The following GALC variants were observed in gnomAD, a reference collection of about 807,000 sequenced individuals.
GALC encodes the protein galactocerebrosidase.
In GALC, 77 loss-of-function variants were observed where a neutral mutation model predicts 91.8. The observed-to-expected ratio is 0.84, with a 90% CI of 0.70 to 1.01. The LOEUF (loss-of-function observed/expected upper bound fraction) is 1.01, where lower values mean the gene tolerates loss of function less well. Among genes scored for constraint, GALC ranks in the 50% least tolerant of loss-of-function variants. GALC has a pLI of 0.00. For missense variants in GALC, 882 were observed against 855.9 expected, an observed-to-expected ratio of 1.03 and a Z score of -0.38; for synonymous variants, 357 against 306.7, an observed-to-expected ratio of 1.16 and a Z score of -1.71.
chr14:87,955,506 CATTGT>C (rs1233711394), intron 10 of GALC, among the ~76,000 whole-genome samples: 1 of 152,008 alleles, frequency 6.6e-6, no homozygotes, highest in Non-Finnish European at 1.5e-5. Context: ...ACGTTCCAGG[CATTGT>C]ACTAAGTATG....
At chr14:87,934,989 C>G (rs748177483) in intron 16 of GALC, 111 bp from the exon 17 acceptor site, 49 of 764,216 alleles carry the variant, frequency 6.4e-5, no homozygotes, top group Non-Finnish European at 9.8e-5. Flanking sequence ...ACTACTCACT[C>G]AAGACTTAAC....
intron 16 of GALC, among the ~76,000 whole-genome samples, chr14:87,938,144 G>A (rs1884669511): frequency 1.3e-5 from 2 of 151,978 alleles, no homozygotes; most frequent in South Asian, 4.2e-4. Flanking sequence ...CTCTTGCTCT[G>A]CCTGGCTGTC....
intron 7 of GALC, among the ~76,000 whole-genome samples, chr14:87,971,804 T>C (rs963814378): frequency 2.5e-4 from 38 of 152,282 alleles, no homozygotes; most frequent in African/African-American, 8.2e-4. Flanking sequence ...CAATACAGGT[T>C]TAAGCAATAA....
intron 16 of GALC, among the ~76,000 whole-genome samples, chr14:87,935,525 C>A (rs975126299): frequency 6.6e-6 from 1 of 152,052 alleles, no homozygotes; most frequent in Non-Finnish European, 1.5e-5. Flanking sequence ...TAAGGTGTGA[C>A]TTACTGGTCA....
chr14:87,950,816 A>AT (rs1885274854), intron 10 of GALC, 68 bp from the exon 11 acceptor site: 2 of 945,830 alleles, frequency 2.1e-6, no homozygotes, highest in Admixed American at 1.8e-5. Flanking sequence ...AAAAAGTTCA[A>AT]CAGTTAATGC....
chr14:87,981,627 T>A (rs1006450943), intron 6 of GALC, among the ~76,000 whole-genome samples: 1 of 152,104 alleles, frequency 6.6e-6, no homozygotes, highest in South Asian at 2.1e-4. Flanking sequence ...ATGGCAGAAG[T>A]TATTATTCTG....
At chr14:87,985,937 C>G (rs1370999577) in intron 4 of GALC, among the ~76,000 whole-genome samples, 1 of 152,164 alleles carries the variant, frequency 6.6e-6, no homozygotes, top group Non-Finnish European at 1.5e-5. Context: ...AGTCCCAGAA[C>G]AGTAACCAGC....
chr14:87,977,037 G>A (rs1376113486), intron 6 of GALC, among the ~76,000 whole-genome samples: 2 of 146,434 alleles, frequency 1.4e-5, no homozygotes, highest in Non-Finnish European at 3.0e-5. Flanking sequence ...AAATATGGGG[G>A]GGGGGGGATG....
At chr14:87,990,985 G>A (rs1284938771) in intron 1 of GALC, among the ~76,000 whole-genome samples, 1 of 152,108 alleles carries the variant, frequency 6.6e-6, no homozygotes, top group Non-Finnish European at 1.5e-5. Flanking sequence ...TAATGTGCAA[G>A]ACATCATCCT....
At chr14:87,936,150 T>C (rs190507509) in intron 16 of GALC, among the ~76,000 whole-genome samples, 7 of 152,140 alleles carry the variant, frequency 4.6e-5, no homozygotes, top group African/African-American at 1.4e-4. Context: ...CACCTGCCAC[T>C]TGGTCTGCTC....
chr14:87,952,955 T>G, intron 10 of GALC: 1 of 893,746 alleles, frequency 1.1e-6, no homozygotes, highest in South Asian at 1.3e-5. Context: ...ATCAGTCAGA[T>G]ATCTGTGGTC....
intron 13 of GALC, among the ~76,000 whole-genome samples, chr14:87,945,985 G>A (rs893017301): frequency 2.6e-5 from 4 of 152,008 alleles, no homozygotes; most frequent in Admixed American, 1.3e-4. Context: ...GTAGAGGAAA[G>A]GTCATGAGTT....
intron 1 of GALC, among the ~76,000 whole-genome samples, chr14:87,990,680 A>G (rs1887163054): frequency 6.6e-6 from 1 of 152,216 alleles, no homozygotes; most frequent in African/African-American, 2.4e-5. Context: ...TTTGCCCTCT[A>G]TGCACTCCCA....
intron 1 of GALC, among the ~76,000 whole-genome samples, chr14:87,991,393 G>A (rs552174944): frequency 3.3e-5 from 5 of 152,214 alleles, no homozygotes; most frequent in East Asian, 1.9e-4. Flanking sequence ...TAGTAGAGAC[G>A]GGGTTTCACC....
rs1312862772 is a variant in GALC, at chr14:87,953,706, T to G, written c.1162-2958A>C. 4.4e-6 allele frequency: 7 copies of G among 1,608,202 alleles called. No homozygotes were observed. The Admixed American group carries it at 5.0e-5, about 12-fold the overall frequency. ...AAGTAGCTAAGAAAATGAAGTTGAT[T>G]TCTAATGCAGGAGATTCTGTTGTAG... On this transcript the variant is annotated intron_variant, in intron 10 of 16. Coordinates refer to ENST00000261304, the MANE Select transcript of GALC (RefSeq NM_000153.4).
Position 87,975,169 on chromosome 14 carries a change from T to C in GALC, c.752+1189A>G, listed in dbSNP as rs537610728. Among the ~76,000 whole-genome samples, 51 of 151,962 alleles carry C rather than the reference T, an allele frequency of 3.4e-4. 1 individual carries two copies. The highest frequency in any genetic ancestry group is 9.4e-4 in the African/African-American group (39 of 41,454). On this transcript the variant is annotated intron_variant, in intron 7 of 16. Coordinates refer to ENST00000261304, the MANE Select transcript of GALC (RefSeq NM_000153.4). ...CCTAAACTACCAATTTCAAAAACCA[T>C]TGAAAAAGGATAGATGAGCAAGTTA...
chr14:87,954,875 A>C (rs1467503143), intron 10 of GALC: 7 of 1,600,440 alleles, frequency 4.4e-6, no homozygotes, highest in Non-Finnish European at 5.1e-6. Context: ...ACTATGAAGA[A>C]AATATACTAT....
At chr14:87,970,777 G>A (rs1214183875) in intron 7 of GALC, among the ~76,000 whole-genome samples, 3 of 149,504 alleles carry the variant, frequency 2.0e-5, no homozygotes, top group African/African-American at 2.5e-5. Flanking sequence ...GCTGAGGCAG[G>A]AGAATGGCAT....
intron 4 of GALC, among the ~76,000 whole-genome samples, chr14:87,985,801 A>C (rs2139752923): frequency 6.6e-6 from 1 of 152,342 alleles, no homozygotes; most frequent in Admixed American, 6.5e-5. Flanking sequence ...ATACTTCACA[A>C]GCTCTGTACA....
Sources: allele counts gnomAD v4.1 joint callset (sites outside exome capture counted in the v4.1 genomes callset), GRCh38; gene constraint gnomAD v4.1.1; transcripts MANE v1.5; gene names NCBI Gene and HGNC (gene_info 2026-07-23, HGNC 2026-07-21).